Variants in LBH observed in about 807,000 individuals in gnomAD.
LBH encodes protein LBH.
In LBH, 7 loss-of-function variants were observed where a neutral mutation model predicts 12.5. That is an observed-to-expected ratio of 0.56 (90% CI 0.32 to 1.05). The LOEUF (loss-of-function observed/expected upper bound fraction) is 1.05. LBH is among the 50% of genes least tolerant of loss of function. The pLI is 0.04. For missense variants in LBH, 119 were observed against 138.9 expected, an observed-to-expected ratio of 0.86 and a Z score of 0.72; for synonymous variants, 51 against 50.1, an observed-to-expected ratio of 1.02 and a Z score of -0.08.
At chr2:30,255,650 A>G (rs1261754266) in intron 2 of LBH, among the ~76,000 whole-genome samples, 2 of 152,186 alleles carry the variant, frequency 1.3e-5, no homozygotes, top group Non-Finnish European at 1.5e-5. Context: ...TGATGTGGTG[A>G]GAGTGTGACT....
chr2:30,232,260 T>C, intron 1 of LBH: 1 of 1,503,008 alleles, frequency 6.7e-7, no homozygotes, highest in Non-Finnish European at 8.9e-7. Flanking sequence ...GGAAACGCTC[T>C]CCCCACACGT....
chr2:30,252,458 T>C (rs1296782283), intron 2 of LBH, among the ~76,000 whole-genome samples: 3 of 152,178 alleles, frequency 2.0e-5, no homozygotes, highest in East Asian at 3.9e-4. Context: ...GTCAGGAGAT[T>C]GAGACCATAC....
At chr2:30,254,434 TG>T (rs1678043736) in intron 2 of LBH, among the ~76,000 whole-genome samples, 2 of 151,752 alleles carry the variant, frequency 1.3e-5, no homozygotes, top group Non-Finnish European at 1.5e-5. Context: ...AGTTGGGGGG[TG>T]GTAACTAGAA....
intron 2 of LBH, among the ~76,000 whole-genome samples, chr2:30,251,540 G>A (rs933915604): frequency 2.6e-5 from 4 of 151,672 alleles, no homozygotes; most frequent in African/African-American, 9.7e-5. Context: ...GGTGGCTCAT[G>A]CCTGTAATCC....
chr2:30,249,836 G>A (rs1025210547), intron 2 of LBH, among the ~76,000 whole-genome samples: 1 of 152,268 alleles, frequency 6.6e-6, no homozygotes, highest in African/African-American at 2.4e-5. Flanking sequence ...ACATACCTGT[G>A]TTTGATTCTC....
At chr2:30,235,034 G>A (rs1439543714) in intron 2 of LBH, among the ~76,000 whole-genome samples, 1 of 152,172 alleles carries the variant, frequency 6.6e-6, no homozygotes, top group East Asian at 1.9e-4. Flanking sequence ...ACTTAGAGAG[G>A]AAGATATTTT....
In LBH at chr2:30,244,275, C is replaced by T. The variant is rs1380039170; in HGVS notation, c.129+9768C>T. On this transcript the variant is annotated intron_variant, in intron 2 of 2. Coordinates refer to ENST00000395323, the MANE Select transcript of LBH (RefSeq NM_030915.4). ...TGGCAGTTGAAGCATCAGGAACCTT[C>T]CTGACTGTTTTCATTGGCAGTTGAG... Among the ~76,000 whole-genome samples, 4 of 152,108 alleles carry T rather than the reference C, an allele frequency of 2.6e-5. No homozygotes were observed. In the East Asian group the frequency reaches 5.8e-4, roughly 22 times the overall value.
At chr2:30,242,110 G>GT (rs1311270548) in intron 2 of LBH, among the ~76,000 whole-genome samples, 6 of 152,038 alleles carry the variant, frequency 3.9e-5, no homozygotes, top group African/African-American at 1.2e-4. Flanking sequence ...GTTATATACA[G>GT]TTTTTTATAA....
chr2:30,242,450 G>A (rs1677806665), intron 2 of LBH, among the ~76,000 whole-genome samples: 1 of 152,026 alleles, frequency 6.6e-6, no homozygotes, highest in South Asian at 2.1e-4. Flanking sequence ...TGCCTTGTTG[G>A]CCAGGCTGGT....
At chr2:30,236,691 G>A (rs1489341428) in intron 2 of LBH, among the ~76,000 whole-genome samples, 1 of 152,202 alleles carries the variant, frequency 6.6e-6, no homozygotes, top group African/African-American at 2.4e-5. Context: ...CAGGGCCCTT[G>A]TAAGAACCCA....
chr2:30,234,574 A>T (rs947148777), intron 2 of LBH, 67 bp downstream of exon 2: 5 of 1,240,020 alleles, frequency 4.0e-6, no homozygotes, highest in Non-Finnish European at 5.9e-6. Flanking sequence ...GTGAGGACAG[A>T]CTTGGTTTTG....
intron 2 of LBH, among the ~76,000 whole-genome samples, chr2:30,248,547 T>C (rs979977956): frequency 6.6e-6 from 1 of 152,090 alleles, no homozygotes; most frequent in Admixed American, 6.6e-5. Context: ...CCATGGGACA[T>C]TGGGTAGTAC....
In LBH at chr2:30,231,556, G is replaced by T. The variant is rs1244529987; in HGVS notation, c.-183G>T. 3 of 627,440 alleles carry T rather than the reference G, an allele frequency of 4.8e-6. No individual in the cohort carries two copies. Among genetic ancestry groups the T allele is most frequent in the Admixed American group, 3.0e-5 (1 of 33,140 alleles). 38.9% of individuals were successfully genotyped at this position (627,440 alleles called of 1,614,324 possible). On this transcript the variant is annotated 5_prime_UTR_variant, in exon 1 of 3. Coordinates refer to ENST00000395323, the MANE Select transcript of LBH (RefSeq NM_030915.4). ...GGGGCTGAGTGCTCAGTGGAGAGCG[G>T]GGAGTTGTGTCCACCTTGCCGACGT...
intron 1 of LBH, chr2:30,232,171 C>A: frequency 1.9e-6 from 3 of 1,542,314 alleles, no homozygotes; most frequent in Non-Finnish European, 2.6e-6. Flanking sequence ...GCATGCAAGT[C>A]TCAACGTCGA....
At position 30,231,764 on chromosome 2, in the gene LBH, G is replaced by T; in HGVS notation, c.26G>T (p.Cys9Phe). 6.4e-7 allele frequency: 1 copy of T among 1,571,876 alleles called. No homozygotes were observed. Among genetic ancestry groups the T allele is most frequent in the Non-Finnish European group, 8.6e-7 (1 of 1,160,936 alleles). MSIYFPIH[C>F]PDYLRSAKMT... ...ATGTCTATATATTTCCCCATTCACT[G>T]GTGAGTACCCTGCGCCTGCGGCGGG... Residue 9 changes from cysteine to phenylalanine, a missense_variant and splice_region_variant, in exon 1 of 3, where the codon TGC (cysteine) becomes TTC (phenylalanine). Coordinates refer to ENST00000395323, the MANE Select transcript of LBH (RefSeq NM_030915.4).
intron 2 of LBH, among the ~76,000 whole-genome samples, chr2:30,249,238 G>C (rs1375072338): frequency 1.3e-5 from 2 of 152,160 alleles, no homozygotes; most frequent in Non-Finnish European, 2.9e-5. Flanking sequence ...TAATAAAATA[G>C]CAGGAGGCAA....
chr2:30,234,212 C>A (rs1337501137), intron 1 of LBH, 193 bp from the exon 2 acceptor site: 7 of 572,602 alleles, frequency 1.2e-5, no homozygotes, highest in Admixed American at 9.0e-5. Flanking sequence ...TTGTCTGTTG[C>A]GGCTGAGCCC....
At chr2:30,239,874 A>G (rs903976824) in intron 2 of LBH, among the ~76,000 whole-genome samples, 1 of 152,206 alleles carries the variant, frequency 6.6e-6, no homozygotes, top group Non-Finnish European at 1.5e-5. Context: ...ACTACCCTGC[A>G]GAGGGCTGGA....
chr2:30,234,333 A>C (rs1316935738), intron 1 of LBH, 72 bp from the exon 2 acceptor site: 2 of 1,124,420 alleles, frequency 1.8e-6, no homozygotes, highest in Non-Finnish European at 2.7e-6. Flanking sequence ...ATCCCACAGC[A>C]GTGAATGCAT....
Sources: allele counts gnomAD v4.1 joint callset (sites outside exome capture counted in the v4.1 genomes callset), GRCh38; gene constraint gnomAD v4.1.1; transcripts MANE v1.5; gene names NCBI Gene and HGNC (gene_info 2026-07-23, HGNC 2026-07-21).